Variants in USP46 observed in about 807,000 individuals in gnomAD.
USP46 encodes ubiquitin carboxyl-terminal hydrolase 46.
Under a neutral mutation model 44.4 loss-of-function variants are expected in USP46, and 12 were observed. That is an observed-to-expected ratio of 0.27 (90% CI 0.17 to 0.44). The LOEUF (loss-of-function observed/expected upper bound fraction) is 0.44. Among genes scored for constraint, USP46 ranks in the 20% least tolerant of loss-of-function variants. The pLI, the probability that USP46 is intolerant of heterozygous loss-of-function variation, is 1.00. For synonymous variants in USP46, 155 were observed against 161.5 expected, an observed-to-expected ratio of 0.96 and a Z score of 0.31; for missense variants, 248 against 444.8, an observed-to-expected ratio of 0.56 and a Z score of 3.98.
At chr4:52,633,006 G>GAAAGAAAGA (rs1717972480) in intron 1 of USP46, among the ~76,000 whole-genome samples, 3 of 119,042 alleles carry the variant, frequency 2.5e-5, no homozygotes, top group East Asian at 4.9e-4. Context: ...AAGAAAGAAA[G>GAAAGAAAGA]AAAGAAAGAA....
Position 52,610,604 on chromosome 4 carries a change from T to C in USP46, c.575A>G (p.Asp192Gly). ...AACAGAAAGGTCAAGAAAATCTTCA[T>C]CTTTGCTACTAACCTGAAACAAAAA... ...CLNCETVSSK[D>G]EDFLDLSVDV... Residue 192 changes from aspartate to glycine, a missense_variant, in exon 5 of 9, where the codon GAT (aspartate) becomes GGT (glycine). Asp to Gly is a moderately conservative substitution (Grantham distance 94). This residue lies in a region of USP46 where 98 missense variants were observed against 218.2 expected (regional missense o/e 0.45). Coordinates refer to ENST00000441222, the MANE Select transcript of USP46 (RefSeq NM_022832.4). The C allele has an allele frequency of 1.2e-6, 2 of 1,613,922 alleles. No individual in the cohort carries two copies. Among genetic ancestry groups the C allele is most frequent in the Non-Finnish European group, 8.5e-7 (1 of 1,179,860 alleles).
In USP46 at chr4:52,631,048, C is replaced by T. The variant is rs1340113438; in HGVS notation, c.117+16G>A. Reference sequence around the variant, plus strand: ...CCTAAAACATTTGATGAAAATAATACATTTTACATACTTACATTGACCAAT... The same window carrying T: ...CCTAAAACATTTGATGAAAATAATATATTTTACATACTTACATTGACCAAT... On this transcript the variant is annotated intron_variant, in intron 2 of 8. Transcript: ENST00000441222. 2.6e-6 allele frequency: 4 copies of T among 1,548,522 alleles called. No individual in the cohort carries two copies. The highest frequency in any genetic ancestry group is 1.2e-5 in the South Asian group (1 of 83,252).
At chr4:52,658,150 T>C (rs944848258) in intron 1 of USP46, 11 of 452,798 alleles carry the variant, frequency 2.4e-5, no homozygotes, top group East Asian at 7.0e-5. Flanking sequence ...CTAAAGAATG[T>C]AGGCAAAACA....
intron 6 of USP46, among the ~76,000 whole-genome samples, chr4:52,603,981 A>G (rs1716580496): frequency 1.3e-5 from 2 of 152,176 alleles, no homozygotes; most frequent in Non-Finnish European, 2.9e-5. Context: ...CACTGTGCCC[A>G]GCCTCTAATC....
At chr4:52,620,654 G>C (rs1178666716) in intron 4 of USP46, among the ~76,000 whole-genome samples, 1 of 152,224 alleles carries the variant, frequency 6.6e-6, no homozygotes, top group African/African-American at 2.4e-5. Context: ...GTAGAGAAAT[G>C]AAAGCACTCG....
chr4:52,610,714 T>A (rs1249727789), intron 4 of USP46, 97 bp from the exon 5 acceptor site: 1 of 1,141,104 alleles, frequency 8.8e-7, no homozygotes, highest in African/African-American at 1.5e-5. Flanking sequence ...ATAAAAACCA[T>A]AACTGCAGTT....
chr4:52,608,767 A>G (rs1716802141), intron 5 of USP46, among the ~76,000 whole-genome samples: 1 of 152,190 alleles, frequency 6.6e-6, no homozygotes, highest in South Asian at 2.1e-4. Flanking sequence ...GCAGAGAGCC[A>G]TTGCTCCAAT....
intron 5 of USP46, among the ~76,000 whole-genome samples, chr4:52,607,615 G>A (rs1716739704): frequency 6.6e-6 from 1 of 152,190 alleles, no homozygotes; most frequent in Non-Finnish European, 1.5e-5. Flanking sequence ...CCCAATGTTG[G>A]AGGTAGGACC....
chr4:52,605,723 T>C (rs1023216561), intron 5 of USP46, among the ~76,000 whole-genome samples: 1 of 152,162 alleles, frequency 6.6e-6, no homozygotes, highest in Non-Finnish European at 1.5e-5. Context: ...AAATGATCAG[T>C]GCAGCTTCAA....
chr4:52,631,437 G>A (rs1717822484), intron 1 of USP46, among the ~76,000 whole-genome samples: 1 of 152,150 alleles, frequency 6.6e-6, no homozygotes, highest in Non-Finnish European at 1.5e-5. Flanking sequence ...CAATCGCCAA[G>A]AACTTCTGAA....
chr4:52,626,314 A>G, intron 3 of USP46, 67 bp from the exon 4 acceptor site: 1 of 1,337,586 alleles, frequency 7.5e-7, no homozygotes. Context: ...AATTAGTGTT[A>G]CATGCCATAC....
intron 1 of USP46, among the ~76,000 whole-genome samples, chr4:52,637,658 G>A (rs1339261997): frequency 1.3e-5 from 2 of 152,110 alleles, no homozygotes; most frequent in Non-Finnish European, 2.9e-5. Flanking sequence ...AGCTAGGCCA[G>A]ACTACCAGAT....
intron 1 of USP46, among the ~76,000 whole-genome samples, chr4:52,650,321 T>C (rs1181751435): frequency 6.6e-6 from 1 of 152,206 alleles, no homozygotes; most frequent in African/African-American, 2.4e-5. Context: ...AATATACTTG[T>C]TGAGTAAAGA....
chr4:52,625,440 G>A (rs889619470), intron 4 of USP46, among the ~76,000 whole-genome samples: 1 of 152,072 alleles, frequency 6.6e-6, no homozygotes, highest in Non-Finnish European at 1.5e-5. Context: ...AAGAAAATAT[G>A]ACATCCTGAA....
intron 1 of USP46, among the ~76,000 whole-genome samples, chr4:52,637,653 G>A (rs1718167573): frequency 6.6e-6 from 1 of 152,030 alleles, no homozygotes; most frequent in South Asian, 2.1e-4. Context: ...CCACCAGCTA[G>A]GCCAGACTAC....
intron 5 of USP46, among the ~76,000 whole-genome samples, chr4:52,607,239 T>C (rs1716722015): frequency 6.6e-6 from 1 of 152,206 alleles, no homozygotes; most frequent in Admixed American, 6.5e-5. Flanking sequence ...GACAGAGTAA[T>C]GCTCTTAGGG....
At chr4:52,619,481 T>C (rs1577672889) in intron 4 of USP46, among the ~76,000 whole-genome samples, 1 of 152,300 alleles carries the variant, frequency 6.6e-6, no homozygotes, top group East Asian at 1.9e-4. Flanking sequence ...TTCATAAACA[T>C]GGGTCTTGGC....
In USP46 at chr4:52,601,959, C is replaced by G; in HGVS notation, c.818G>C (p.Arg273Pro). 1 of 1,614,000 alleles carries G rather than the reference C, an allele frequency of 6.2e-7. No homozygotes were observed. Among genetic ancestry groups the G allele is most frequent in the Non-Finnish European group, 8.5e-7 (1 of 1,179,894 alleles). The stretch of plus-strand genomic sequence containing the variant: ...CCGGAGTTCCAGAGGGAAGACCACA[C>G]GGTAAGACAGCTTGGTGTATCTGTG... Reference protein sequence around the residue: ...QLHRYTKLSYRVVFPLELRLF... With the variant: ...QLHRYTKLSYPVVFPLELRLF... Residue 273 changes from arginine (R) to proline (P), a missense_variant, in exon 7 of 9, where the codon CGT becomes CCT. Transcript: ENST00000441222.
At chr4:52,632,988 A>AAG (rs1560406196) in intron 1 of USP46, among the ~76,000 whole-genome samples, 1 of 31,386 alleles carries the variant, frequency 3.2e-5, no homozygotes, top group Non-Finnish European at 6.2e-5. Flanking sequence ...AAGAAAGAAA[A>AAG]GAAAAGAAAG....
Sources: gnomAD v4.1 joint callset for allele counts (sites outside exome capture counted in the v4.1 genomes callset) on GRCh38, gnomAD v4.1.1 for gene constraint, gnomAD v4.1.1 regional missense constraint, MANE v1.5 for transcripts, NCBI Gene and HGNC (gene_info 2026-07-23, HGNC 2026-07-21) for gene names.